VIRMA: variants seen among roughly 807,000 people sequenced by gnomAD.
The protein encoded by VIRMA is vir like m6A methyltransferase associated.
A neutral mutation model predicts 182.4 loss-of-function variants in VIRMA; 65 were observed. The observed-to-expected ratio is 0.36, with a 90% confidence interval of 0.29 to 0.44. The LOEUF (loss-of-function observed/expected upper bound fraction) is 0.44. Ranked by LOEUF, VIRMA falls within the 20% of genes least tolerant of loss-of-function variation. The pLI, the probability that VIRMA is intolerant of heterozygous loss-of-function variation, is 1.00. For synonymous variants in VIRMA, 709 were observed against 743.1 expected (o/e 0.95, Z 0.75); for missense variants, 1,752 against 2,158.1 (o/e 0.81, Z 3.73).
chr8:94,538,385 C>A, intron 2 of VIRMA, 39 bp from the exon 3 acceptor site: 1 of 1,211,434 alleles, frequency 8.3e-7, no homozygotes, highest in Non-Finnish European at 1.2e-6. Flanking sequence ...GCCTTTGTAA[C>A]AAACACTTCC....
At chr8:94,537,034 G>A in intron 4 of VIRMA, 69 bp downstream of exon 4, 5 of 1,010,184 alleles carry the variant, frequency 4.9e-6, no homozygotes, top group Non-Finnish European at 7.9e-6. Context: ...GATTTATGTG[G>A]ATCAAAAACT....
rs773832011 is a variant in VIRMA at position 94,526,587 on chromosome 8, T to C, written c.1657A>G (p.Ile553Val). 19 of 1,613,872 alleles carry C rather than the reference T, an allele frequency of 1.2e-5. No individual in the cohort carries two copies. Among genetic ancestry groups the C allele is most frequent in the Admixed American group, 1.7e-5 (1 of 59,966 alleles). The change falls in exon 8 of 24, where the codon ATT (isoleucine) becomes GTT (valine). Residue 553 changes from isoleucine to valine, a missense_variant. By Grantham distance (29) the Ile-to-Val change is conservative. Transcript: ENST00000297591. ...TVRVVTAGSA[I>V]LQKCHFYEVL... ...TCATAGAAATGGCATTTTTGGAGAA[T>C]AGCTGAACCAGCAGTAACAACCCTC... is the stretch of plus-strand genomic sequence containing the variant.
At chr8:94,506,055 C>T (rs980050088) in intron 16 of VIRMA, among the ~76,000 whole-genome samples, 4 of 151,992 alleles carry the variant, frequency 2.6e-5, no homozygotes, top group African/African-American at 4.8e-5. Context: ...AATACTGTAC[C>T]GTTTTATATA....
At chr8:94,537,366 T>C (rs1322668215) in intron 3 of VIRMA, among the ~76,000 whole-genome samples, 1 of 152,172 alleles carries the variant, frequency 6.6e-6, no homozygotes, top group African/African-American at 2.4e-5. Flanking sequence ...GGGGTGAGTA[T>C]GGACATCAAT....
Position 94,495,800 on chromosome 8 carries a change from G to A in VIRMA, c.4475C>T (p.Pro1492Leu). The A allele has an allele frequency of 6.2e-7, 1 of 1,613,884 alleles. No homozygotes were observed. Among genetic ancestry groups the A allele is most frequent in the Non-Finnish European group, 8.5e-7 (1 of 1,179,844 alleles). Residue 1492 changes from proline (P) to leucine (L), a missense_variant, in exon 19 of 24, where the codon CCT (proline) becomes CTT (leucine). Around this residue, in one of 11 missense-constraint regions of VIRMA, gnomAD observed 777 missense variants for 920.6 expected, o/e 0.84. Coordinates refer to ENST00000297591, the MANE Select transcript of VIRMA (RefSeq NM_015496.5). The part of the protein sequence containing the change: ...QMLESSGDPL[P>L]LSDQDVEPVL... ...TGGTTCTACATCCTGGTCACTGAGA[G>A]GTAAAGGGTCACCTGATGACTCCAG...
chr8:94,531,731 C>G (rs1011376956), intron 5 of VIRMA, among the ~76,000 whole-genome samples: 1 of 151,834 alleles, frequency 6.6e-6, no homozygotes, highest in African/African-American at 2.4e-5. Context: ...GTTTTCATGC[C>G]AAAAAAATAA....
At position 94,487,763 on chromosome 8, in the gene VIRMA, A is replaced by G. The variant is rs1272856316; in HGVS notation, c.*943T>C. On this transcript the variant is annotated 3_prime_UTR_variant, in exon 24 of 24. Transcript: ENST00000297591. ...TGTGTTAAGACGTATCTTGGGGAAAATATGGCTACTTTCTCAAAGTTGTAA... is the reference window on the plus strand; with the variant it reads ...TGTGTTAAGACGTATCTTGGGGAAAGTATGGCTACTTTCTCAAAGTTGTAA... 1 of 152,182 alleles carries G rather than the reference A, an allele frequency of 6.6e-6. No homozygotes were observed. Among genetic ancestry groups the G allele is most frequent in the Admixed American group, 6.5e-5 (1 of 15,282 alleles). The allele number at this position is 152,182 out of a possible 1,614,324, so 9.4% of individuals were successfully genotyped here. A position where few individuals can be genotyped will look rare whatever the true frequency, so the allele number is the denominator to read the frequency against.
intron 11 of VIRMA, among the ~76,000 whole-genome samples, chr8:94,513,300 G>A (rs897315438): frequency 6.6e-6 from 1 of 151,990 alleles, no homozygotes; most frequent in African/African-American, 2.4e-5. Flanking sequence ...TTGAGCCACT[G>A]CACTCCAGCC....
In VIRMA at chr8:94,518,967, G is replaced by A. The variant is rs1226421806; in HGVS notation, c.2513+18C>T. The A allele has an allele frequency of 6.4e-7, 1 of 1,564,780 alleles. No individual in the cohort carries two copies. The highest frequency in any genetic ancestry group is 2.0e-5 in the Admixed American group (1 of 50,212). ...TTTCTAACATCATAGAAAATTTAAG[G>A]AGTAAGTAGGAAATTACCCCAAGGC... On this transcript the variant is annotated intron_variant, in intron 9 of 23. Coordinates refer to ENST00000297591, the MANE Select transcript of VIRMA (RefSeq NM_015496.5).
chr8:94,527,301 T>C lies in VIRMA; in HGVS notation c.943A>G (p.Thr315Ala), dbSNP rs1815006255. Residue 315 changes from threonine (T) to alanine (A), a missense_variant, in exon 8 of 24, where the codon ACA becomes GCA. Thr to Ala is a moderately conservative substitution (Grantham distance 58). Transcript: ENST00000297591. ...EDGIADLERE[T>A]FKYPNFDVEY... Reference sequence around the variant, plus strand: ...ACATCAAAGTTTGGATACTTAAATGTTTCACGTTCCAAGTCAGCAATTCCA... The same window carrying C: ...ACATCAAAGTTTGGATACTTAAATGCTTCACGTTCCAAGTCAGCAATTCCA... 6.2e-7 allele frequency: 1 copy of C among 1,602,258 alleles called. No homozygotes were observed. Among genetic ancestry groups the C allele is most frequent in the African/African-American group, 1.3e-5 (1 of 74,630 alleles).
At chr8:94,494,197 G>A (rs1368313595) in intron 20 of VIRMA, among the ~76,000 whole-genome samples, 1 of 152,192 alleles carries the variant, frequency 6.6e-6, no homozygotes, top group Non-Finnish European at 1.5e-5. Context: ...GCTCACGCCT[G>A]TAATCCCATC....
chr8:94,529,380 G>T, intron 6 of VIRMA, 38 bp from the exon 7 acceptor site: 1 of 1,247,884 alleles, frequency 8.0e-7, no homozygotes, highest in South Asian at 1.3e-5. Flanking sequence ...CTATTTTAAT[G>T]GTTTAAATGA....
intron 16 of VIRMA, among the ~76,000 whole-genome samples, chr8:94,504,720 G>A (rs1814097144): frequency 6.6e-6 from 1 of 152,100 alleles, no homozygotes; most frequent in Non-Finnish European, 1.5e-5. Flanking sequence ...CTACAGAGGT[G>A]GAGAAGAGGG....
chr8:94,495,953 G>A, intron 18 of VIRMA, 62 bp from the exon 19 acceptor site: 1 of 1,437,990 alleles, frequency 7.0e-7, no homozygotes, highest in South Asian at 1.3e-5. Context: ...TAAACCTACT[G>A]ACTCTTTCGT....
chr8:94,507,289 C>T (rs1814188393), intron 15 of VIRMA, among the ~76,000 whole-genome samples: 1 of 151,734 alleles, frequency 6.6e-6, no homozygotes, highest in Admixed American at 6.6e-5. Flanking sequence ...GAATGCAGCA[C>T]CACACCCGGC....
At chr8:94,510,682 T>C (rs758720606) in intron 13 of VIRMA, 30 bp from the exon 14 acceptor site, 127 of 1,476,826 alleles carry the variant, frequency 8.6e-5, no homozygotes, top group Non-Finnish European at 1.1e-4. Context: ...TGTGTGTACG[T>C]AGATTTTTTA....
At chr8:94,544,903 T>G (rs1409590662) in intron 1 of VIRMA, among the ~76,000 whole-genome samples, 2 of 151,958 alleles carry the variant, frequency 1.3e-5, no homozygotes, top group Admixed American at 6.6e-5. Context: ...AGGTACTGAA[T>G]AGCCGAGATA....
At position 94,506,736 on chromosome 8, in the gene VIRMA, A is replaced by T; in HGVS notation, c.3880-19T>A. The stretch of plus-strand genomic sequence containing the variant: ...CAATGTCCTGTGGGGAGCAGGGAAA[A>T]AAAAATCGATTTTTTAAATAATTAT... On this transcript the variant is annotated intron_variant, in intron 15 of 23. Coordinates refer to ENST00000297591, the MANE Select transcript of VIRMA (RefSeq NM_015496.5). 1 of 1,547,156 alleles carries T rather than the reference A, an allele frequency of 6.5e-7. No homozygotes were observed. The highest frequency in any genetic ancestry group is 1.2e-5 in the South Asian group (1 of 85,834).
chr8:94,524,314 G>C (rs957179711), intron 8 of VIRMA, among the ~76,000 whole-genome samples: 1 of 145,572 alleles, frequency 6.9e-6, no homozygotes, highest in African/African-American at 2.5e-5. Flanking sequence ...TTGTTTGTTT[G>C]TTTGTTTGGA....
Sources: allele counts gnomAD v4.1 joint callset (sites outside exome capture counted in the v4.1 genomes callset), GRCh38; gene constraint gnomAD v4.1.1; regional missense constraint gnomAD v4.1.1; transcripts MANE v1.5; gene names NCBI Gene and HGNC (gene_info 2026-07-23, HGNC 2026-07-21).